Variants in CNTN5 observed in about 807,000 individuals in gnomAD.
CNTN5 encodes contactin 5, also known as contactin-5.
In CNTN5, 77 loss-of-function variants were observed where a neutral mutation model predicts 129.1. The ratio of observed to expected loss-of-function variants is 0.60; its 90% CI spans 0.50 to 0.72. The LOEUF (loss-of-function observed/expected upper bound fraction) is 0.72. CNTN5 is among the 30% of genes least tolerant of loss of function. CNTN5 has a pLI of 0.00. For missense variants in CNTN5, 1,478 were observed against 1,328.8 expected (o/e 1.11, Z -1.75); for synonymous variants, 509 against 465.6 (o/e 1.09, Z -1.20).
chr11:99,928,525 A>G lies in CNTN5; in HGVS notation c.673+12376A>G, dbSNP rs1330770317. 3.3e-5 allele frequency among the ~76,000 whole-genome samples: 5 copies of G among 152,232 alleles called. No homozygotes were observed. In the East Asian group the frequency reaches 9.6e-4, roughly 29 times the overall value. On this transcript the variant is annotated intron_variant, in intron 7 of 24. Transcript: ENST00000524871. The stretch of plus-strand genomic sequence containing the variant: ...TTGACCTCTGTGTACCTCCAGGCTC[A>G]ACACCACATGGAAGATGCCAAAGTG...
intron 3 of CNTN5, among the ~76,000 whole-genome samples, chr11:99,708,119 C>G (rs1954829991): frequency 6.6e-6 from 1 of 151,624 alleles, no homozygotes; most frequent in Non-Finnish European, 1.5e-5. Flanking sequence ...CAACTTGTGA[C>G]CTAGACCACT....
intron 3 of CNTN5, among the ~76,000 whole-genome samples, chr11:99,571,582 C>T (rs1949175970): frequency 6.6e-6 from 1 of 152,026 alleles, no homozygotes; most frequent in Non-Finnish European, 1.5e-5. Context: ...AATTTTTGAC[C>T]AAAACTCAGG....
At chr11:99,900,895 C>T (rs1949339364) in intron 6 of CNTN5, among the ~76,000 whole-genome samples, 1 of 152,166 alleles carries the variant, frequency 6.6e-6, no homozygotes, top group South Asian at 2.1e-4. Context: ...TAGCCTCATA[C>T]ATGTCTCTAA....
At chr11:100,200,905 G>T (rs1857635848) in intron 15 of CNTN5, among the ~76,000 whole-genome samples, 1 of 151,772 alleles carries the variant, frequency 6.6e-6, no homozygotes, top group African/African-American at 2.4e-5. Flanking sequence ...CTCTTTCTGA[G>T]GTTTTGTGTT....
chr11:100,081,955 G>A (rs1944382904), intron 13 of CNTN5, among the ~76,000 whole-genome samples: 1 of 152,148 alleles, frequency 6.6e-6, no homozygotes, highest in Non-Finnish European at 1.5e-5. Context: ...TGAAAATATT[G>A]CCAATTGGCA....
intron 3 of CNTN5, among the ~76,000 whole-genome samples, chr11:99,718,362 G>T (rs373637436): frequency 2.6e-5 from 4 of 152,062 alleles, no homozygotes; most frequent in Non-Finnish European, 5.9e-5. Context: ...CTACAAATTT[G>T]TCTTAGCAGC....
chr11:99,673,024 C>CA (rs1057245554), intron 3 of CNTN5, among the ~76,000 whole-genome samples: 65 of 152,192 alleles, frequency 4.3e-4, no homozygotes, highest in African/African-American at 1.5e-3. Flanking sequence ...GGGAGCCTTA[C>CA]AGAATGGCCA....
intron 8 of CNTN5, among the ~76,000 whole-genome samples, chr11:99,976,210 C>A (rs1020972662): frequency 2.0e-4 from 30 of 152,216 alleles, no homozygotes; most frequent in African/African-American, 6.5e-4. Flanking sequence ...AGGCCTTTGG[C>A]AACTCTGTCC....
At chr11:100,317,882 C>T (rs923935430) in intron 21 of CNTN5, among the ~76,000 whole-genome samples, 3 of 151,912 alleles carry the variant, frequency 2.0e-5, no homozygotes, top group African/African-American at 7.3e-5. Flanking sequence ...AGGATATTTT[C>T]CTGAACATAT....
At chr11:100,222,076 G>A (rs528402991) in intron 15 of CNTN5, among the ~76,000 whole-genome samples, 7 of 152,162 alleles carry the variant, frequency 4.6e-5, no homozygotes, top group Non-Finnish European at 8.8e-5. Flanking sequence ...GGTAATTTAG[G>A]TTTAGTGTTC....
chr11:99,169,614 C>A (rs1861052065), intron 1 of CNTN5, among the ~76,000 whole-genome samples: 1 of 152,128 alleles, frequency 6.6e-6, no homozygotes. Context: ...TTACCACTGT[C>A]TTTTGCATCG....
intron 4 of CNTN5, among the ~76,000 whole-genome samples, chr11:99,822,141 G>T (rs1363521057): frequency 6.6e-6 from 1 of 152,130 alleles, no homozygotes; most frequent in Admixed American, 6.6e-5. Context: ...TGAATAGAAA[G>T]TCATCCCACT....
chr11:99,089,339 C>G (rs1043927025), intron 1 of CNTN5, among the ~76,000 whole-genome samples: 1 of 152,112 alleles, frequency 6.6e-6, no homozygotes, highest in Non-Finnish European at 1.5e-5. Flanking sequence ...TTGGCAAACA[C>G]TTTATACAGA....
intron 1 of CNTN5, among the ~76,000 whole-genome samples, chr11:99,294,915 C>G (rs1008237073): frequency 6.6e-6 from 1 of 152,278 alleles, no homozygotes; most frequent in Non-Finnish European, 1.5e-5. Context: ...GCCAGGTTTT[C>G]ACTTACATGA....
chr11:99,380,766 C>G (rs1159054819), intron 2 of CNTN5, among the ~76,000 whole-genome samples: 30 of 11,600 alleles, frequency 2.6e-3, no homozygotes, highest in Admixed American at 9.5e-3. Flanking sequence ...GAAACTCTAT[C>G]TCAAAAAAAA....
chr11:100,140,493 G>A (rs570877108), intron 13 of CNTN5, among the ~76,000 whole-genome samples: 1 of 152,138 alleles, frequency 6.6e-6, no homozygotes, highest in African/African-American at 2.4e-5. Flanking sequence ...GAGATTAAAG[G>A]CTTGTTGGAG....
intron 3 of CNTN5, among the ~76,000 whole-genome samples, chr11:99,642,050 T>A (rs11220809): frequency 0.057 from 8,689 of 152,234 alleles, 338 homozygotes; most frequent in Non-Finnish European, 0.083. Context: ...TCTTCAAGCA[T>A]CCTTTTCTGG....
At chr11:99,477,380 T>C (rs553546715) in intron 2 of CNTN5, among the ~76,000 whole-genome samples, 1 of 152,158 alleles carries the variant, frequency 6.6e-6, no homozygotes, top group African/African-American at 2.4e-5. Flanking sequence ...TTTTCTTCAT[T>C]GTATAACTAA....
At chr11:99,529,212 C>A (rs1435368473) in intron 2 of CNTN5, among the ~76,000 whole-genome samples, 1 of 152,210 alleles carries the variant, frequency 6.6e-6, no homozygotes, top group Non-Finnish European at 1.5e-5. Flanking sequence ...GAGGGCAGAT[C>A]TTCCCCACCT....
Sources: gnomAD v4.1 joint callset for allele counts (sites outside exome capture counted in the v4.1 genomes callset) on GRCh38, gnomAD v4.1.1 for gene constraint, MANE v1.5 for transcripts, NCBI Gene and HGNC (gene_info 2026-07-23, HGNC 2026-07-21) for gene names.